The following NTM variants were observed in gnomAD, a reference collection of about 807,000 sequenced individuals.
NTM encodes IgLON family member 2.
In NTM, 13 loss-of-function variants were observed where a neutral mutation model predicts 42.1. That is an observed-to-expected ratio of 0.31 (90% CI 0.20 to 0.49). The LOEUF (loss-of-function observed/expected upper bound fraction) is 0.49, where lower values mean the gene tolerates loss of function less well. Among genes scored for constraint, NTM ranks in the 20% least tolerant of loss-of-function variants. The pLI is 0.99. For synonymous variants in NTM, 187 were observed against 179.2 expected, an observed-to-expected ratio of 1.04 and a Z score of -0.35; for missense variants, 373 against 452.8, an observed-to-expected ratio of 0.82 and a Z score of 1.60.
At chr11:131,682,485 A>G (rs1294073101) in intron 1 of NTM, among the ~76,000 whole-genome samples, 1 of 152,178 alleles carries the variant, frequency 6.6e-6, no homozygotes, top group African/African-American at 2.4e-5. Flanking sequence ...TCCTCGTGGC[A>G]CGCATGCAGC....
intron 2 of NTM, among the ~76,000 whole-genome samples, chr11:132,137,500 G>A (rs1455589056): frequency 6.6e-6 from 1 of 152,162 alleles, no homozygotes. Flanking sequence ...TTTCACGAGG[G>A]CTTATTGCAC....
At position 132,325,031 on chromosome 11, in the gene NTM, A is replaced by G. The variant is rs1483845731; in HGVS notation, c.935-5122A>G. Among the ~76,000 whole-genome samples, 9 of 151,788 alleles carry G rather than the reference A, an allele frequency of 5.9e-5. No individual in the cohort carries two copies. The East Asian group carries it at 1.6e-3, about 26-fold the overall frequency. On this transcript the variant is annotated intron_variant, in intron 7 of 8. Coordinates refer to ENST00000683400, the MANE Select transcript of NTM (RefSeq NM_001352005.2). ...CACAAAAATCAATTCAAGATGGATT[A>G]AAGACTTAAACGTTAGACCTAAAAC...
At chr11:132,069,382 C>T (rs1449076208) in intron 2 of NTM, among the ~76,000 whole-genome samples, 5 of 101,292 alleles carry the variant, frequency 4.9e-5, no homozygotes, top group South Asian at 2.7e-4. Context: ...TTAGTTAACA[C>T]GTCACTCAGC....
chr11:131,729,141 C>T (rs957945182), intron 1 of NTM, among the ~76,000 whole-genome samples: 4 of 152,126 alleles, frequency 2.6e-5, no homozygotes, highest in African/African-American at 9.7e-5. Flanking sequence ...CTTCTCTGTC[C>T]TGAGTTTTTT....
At chr11:131,779,385 A>T (rs377356014) in intron 1 of NTM, among the ~76,000 whole-genome samples, 2 of 152,276 alleles carry the variant, frequency 1.3e-5, no homozygotes, top group South Asian at 2.1e-4. Flanking sequence ...AAACTAATAT[A>T]ACTATATACA....
rs554314847 is a variant in NTM, at chr11:131,669,574, G to C, written c.83-241990G>C. Reference sequence around the variant, plus strand: ...GGAGGCTACCTTGTTGCACAGGTGAGGGGGGAGGGCAACGTCACTCAGCAA... The same window carrying C: ...GGAGGCTACCTTGTTGCACAGGTGACGGGGGAGGGCAACGTCACTCAGCAA... On this transcript the variant is annotated intron_variant, in intron 1 of 8. Transcript: ENST00000683400. 3.9e-5 allele frequency among the ~76,000 whole-genome samples: 6 copies of C among 152,236 alleles called. No individual in the cohort carries two copies. In the East Asian group the frequency reaches 1.2e-3, roughly 29 times the overall value.
intron 2 of NTM, among the ~76,000 whole-genome samples, chr11:132,138,657 T>C (rs750526617): frequency 9.6e-5 from 14 of 145,268 alleles, no homozygotes; most frequent in Admixed American, 1.4e-4. Flanking sequence ...AATTGGCTCA[T>C]GTCTGTAGTG....
chr11:132,149,256 A>G (rs1463020248), intron 3 of NTM, among the ~76,000 whole-genome samples: 2 of 135,956 alleles, frequency 1.5e-5, no homozygotes, highest in Non-Finnish European at 3.2e-5. Flanking sequence ...AGGGAAAGAA[A>G]TATATTTATC....
At chr11:131,432,839 CTTTTTTTTTTTTTT>C (rs377739708) in intron 1 of NTM, among the ~76,000 whole-genome samples, 16 of 68,696 alleles carry the variant, frequency 2.3e-4, no homozygotes, top group East Asian at 5.0e-4. Flanking sequence ...ATTTAGCATT[CTTTTTTTTTTTTTT>C]TTTTTTTTTT....
chr11:131,624,274 T>C (rs2062877680), intron 1 of NTM, among the ~76,000 whole-genome samples: 3 of 152,330 alleles, frequency 2.0e-5, no homozygotes, highest in East Asian at 3.9e-4. Flanking sequence ...AGTGGCAACA[T>C]GGCATCGTGT....
At chr11:131,956,604 G>T (rs1285496819) in intron 2 of NTM, among the ~76,000 whole-genome samples, 3 of 151,718 alleles carry the variant, frequency 2.0e-5, no homozygotes, top group African/African-American at 7.3e-5. Flanking sequence ...GTCTCGGGGG[G>T]TTGGGGGTGG....
At chr11:132,193,465 C>T (rs1171715984) in intron 3 of NTM, among the ~76,000 whole-genome samples, 1 of 150,726 alleles carries the variant, frequency 6.6e-6, no homozygotes, top group Non-Finnish European at 1.5e-5. Context: ...TCGAAACTAA[C>T]AAAAATGGAA....
chr11:131,677,905 C>T (rs2658826), intron 1 of NTM, among the ~76,000 whole-genome samples: 116,054 of 152,050 alleles, frequency 0.76, 44,398 homozygotes, highest in African/African-American at 0.79. Flanking sequence ...TCAGCAAGCC[C>T]TACTATAAAG....
intron 2 of NTM, among the ~76,000 whole-genome samples, chr11:132,055,798 G>C (rs530360406): frequency 6.6e-6 from 1 of 152,298 alleles, no homozygotes; most frequent in East Asian, 1.9e-4. Flanking sequence ...GGAATTGGGT[G>C]GCCTTGGGCC....
Position 132,307,780 on chromosome 11 carries a change from C to T in NTM, c.618C>T (p.Asp206=), listed in dbSNP as rs74615344. 2,399 of 1,614,212 alleles carry T rather than the reference C, an allele frequency of 1.5e-3. 36 individuals are homozygous for T. In the African/African-American group the frequency reaches 0.028, roughly 19 times the overall value. Residue 206 remains aspartate, a synonymous_variant, in exon 5 of 9, where the codon GAC becomes GAT. Coordinates refer to ENST00000683400, the MANE Select transcript of NTM (RefSeq NM_001352005.2). ...SGDYECSASN[D]VAAPVVRRVK... is the part of the protein sequence containing the mutation. Reference sequence around the variant, plus strand: ...ACTACGAGTGCAGTGCCTCCAATGACGTGGCCGCGCCCGTGGTACGGAGAG... The same window carrying T: ...ACTACGAGTGCAGTGCCTCCAATGATGTGGCCGCGCCCGTGGTACGGAGAG...
At chr11:132,111,339 A>G (rs2063175899) in intron 2 of NTM, among the ~76,000 whole-genome samples, 1 of 151,884 alleles carries the variant, frequency 6.6e-6, no homozygotes, top group Non-Finnish European at 1.5e-5. Flanking sequence ...TGACTTTTTA[A>G]TCTCCTTTCT....
chr11:131,789,496 A>G (rs868714850), intron 1 of NTM, among the ~76,000 whole-genome samples: 90 of 4,038 alleles, frequency 0.022, 32 homozygotes, highest in Middle Eastern at 0.083. Context: ...AGAAGAGGAA[A>G]GAAGAAGAAG....
chr11:131,828,715 C>T lies in NTM; in HGVS notation c.83-82849C>T, dbSNP rs116414746. ...CTTTCCAGGTTTCACGGCACGTCTC[C>T]AAACCAGGACAAGGCATACAACTTT... On this transcript the variant is annotated intron_variant, in intron 1 of 8. Transcript: ENST00000683400. 3.7e-3 allele frequency among the ~76,000 whole-genome samples: 566 copies of T among 152,184 alleles called. 2 individuals are homozygous for T. Among genetic ancestry groups the T allele is most frequent in the African/African-American group, 0.013 (529 of 41,540 alleles).
At chr11:131,976,159 T>TTCCTTCCTTCCTTC (rs1565866210) in intron 2 of NTM, among the ~76,000 whole-genome samples, 1 of 42,954 alleles carries the variant, frequency 2.3e-5, no homozygotes, top group African/African-American at 9.7e-5. Context: ...TTCCTTCCTT[T>TTCCTTCCTTCCTTC]CTTCCTTCCT....
Sources: gnomAD v4.1 joint callset for allele counts (sites outside exome capture counted in the v4.1 genomes callset) on GRCh38, gnomAD v4.1.1 for gene constraint, MANE v1.5 for transcripts, NCBI Gene and HGNC (gene_info 2026-07-23, HGNC 2026-07-21) for gene names.